DLG2: variants seen among roughly 807,000 people sequenced by gnomAD.
DLG2 encodes discs large MAGUK scaffold protein 2, also known as disks large homolog 2.
In DLG2, 45 loss-of-function variants were observed where a neutral mutation model predicts 132.5. That is an observed-to-expected ratio of 0.34 (90% CI 0.27 to 0.44). DLG2 has a LOEUF of 0.44. Among genes scored for constraint, DLG2 ranks in the 20% least tolerant of loss-of-function variants. DLG2 has a pLI of 1.00. For synonymous variants in DLG2, 424 were observed against 419.6 expected, an observed-to-expected ratio of 1.01 and a Z score of -0.13; for missense variants, 1,045 against 1,196.9, an observed-to-expected ratio of 0.87 and a Z score of 1.87.
chr11:85,025,564 T>C (rs972850897), intron 6 of DLG2, among the ~76,000 whole-genome samples: 3 of 152,208 alleles, frequency 2.0e-5, no homozygotes, highest in Non-Finnish European at 4.4e-5. Flanking sequence ...TAGGATTACT[T>C]AATATAATTA....
At chr11:84,562,078 T>C (rs1365041389) in intron 6 of DLG2, among the ~76,000 whole-genome samples, 2 of 152,168 alleles carry the variant, frequency 1.3e-5, no homozygotes, top group Non-Finnish European at 1.5e-5. Context: ...CAGAATATAC[T>C]TTTATAAAGT....
At chr11:84,152,342 TTG>T (rs1295950966) in intron 9 of DLG2, among the ~76,000 whole-genome samples, 3 of 149,154 alleles carry the variant, frequency 2.0e-5, no homozygotes, top group Non-Finnish European at 3.0e-5. Context: ...GTTTGTTTGT[TTG>T]TTTTTTCTGA....
intron 2 of DLG2, among the ~76,000 whole-genome samples, chr11:85,606,462 G>A (rs536808431): frequency 6.6e-6 from 1 of 152,058 alleles, no homozygotes; most frequent in Non-Finnish European, 1.5e-5. Context: ...ATCAGCACTT[G>A]GTAAAAACGG....
At chr11:84,067,591 G>C (rs2096698256) in intron 10 of DLG2, among the ~76,000 whole-genome samples, 1 of 150,422 alleles carries the variant, frequency 6.6e-6, no homozygotes, top group South Asian at 2.1e-4. Flanking sequence ...CACAAACACA[G>C]GCTGACTCAA....
At chr11:85,525,946 G>C (rs184933322) in intron 3 of DLG2, among the ~76,000 whole-genome samples, 133 of 152,282 alleles carry the variant, frequency 8.7e-4, no homozygotes, top group African/African-American at 3.1e-3. Flanking sequence ...ACATGAACGA[G>C]AGGAAACTAT....
chr11:85,242,450 G>A (rs1168113130), intron 4 of DLG2, among the ~76,000 whole-genome samples: 1 of 151,408 alleles, frequency 6.6e-6, no homozygotes, highest in Admixed American at 6.6e-5. Context: ...TACTTCTGTG[G>A]AATTTACCTT....
At chr11:85,147,737 C>CTTTTA in intron 5 of DLG2, among the ~76,000 whole-genome samples, 1 of 151,822 alleles carries the variant, frequency 6.6e-6, no homozygotes. Context: ...GGTCAATATT[C>CTTTTA]TTTTATTTTA....
At chr11:83,610,502 G>A (rs538991514) in intron 19 of DLG2, among the ~76,000 whole-genome samples, 2 of 152,202 alleles carry the variant, frequency 1.3e-5, no homozygotes, top group South Asian at 4.2e-4. Context: ...AGAGGGAAAA[G>A]AAGGGAACTT....
At chr11:84,344,218 A>G (rs924913481) in intron 7 of DLG2, among the ~76,000 whole-genome samples, 4 of 152,208 alleles carry the variant, frequency 2.6e-5, no homozygotes, top group African/African-American at 9.7e-5. Context: ...AGATGCTGGA[A>G]CCAGACTGAG....
chr11:84,523,339 T>C (rs2099310284), intron 7 of DLG2, among the ~76,000 whole-genome samples: 1 of 152,214 alleles, frequency 6.6e-6, no homozygotes, highest in Non-Finnish European at 1.5e-5. Flanking sequence ...ATAGATTTAC[T>C]AATAGACACA....
chr11:83,818,284 T>C (rs1167367018), intron 17 of DLG2, among the ~76,000 whole-genome samples: 3 of 152,220 alleles, frequency 2.0e-5, no homozygotes, highest in Admixed American at 6.5e-5. Flanking sequence ...AACTTCTGCA[T>C]TGGACTTCAT....
intron 7 of DLG2, among the ~76,000 whole-genome samples, chr11:84,426,339 A>C (rs529856657): frequency 2.6e-5 from 4 of 152,164 alleles, no homozygotes; most frequent in Non-Finnish European, 4.4e-5. Flanking sequence ...CTGGGGACTC[A>C]GCTTACTCAT....
chr11:83,690,964 A>T (rs1401139237), intron 18 of DLG2, among the ~76,000 whole-genome samples: 1 of 152,196 alleles, frequency 6.6e-6, no homozygotes, highest in African/African-American at 2.4e-5. Context: ...GACTATTTCA[A>T]TAAAGATTGT....
chr11:84,221,706 T>C (rs2154326874), intron 8 of DLG2, among the ~76,000 whole-genome samples: 1 of 152,184 alleles, frequency 6.6e-6, no homozygotes, highest in Middle Eastern at 3.4e-3. Flanking sequence ...TATTTTCTTT[T>C]ACGTGAATTG....
intron 6 of DLG2, among the ~76,000 whole-genome samples, chr11:84,728,727 T>C (rs951471149): frequency 6.6e-6 from 1 of 152,162 alleles, no homozygotes; most frequent in South Asian, 2.1e-4. Context: ...TCTTGGACTT[T>C]TTTTGGTTGT....
chr11:83,907,496 C>T (rs1035222501), intron 15 of DLG2, among the ~76,000 whole-genome samples: 1 of 151,890 alleles, frequency 6.6e-6, no homozygotes, highest in African/African-American at 2.4e-5. Context: ...ATCCAGATAC[C>T]CTCTCTAAGC....
At chr11:84,825,476 T>C (rs1229982784) in intron 6 of DLG2, among the ~76,000 whole-genome samples, 1 of 151,924 alleles carries the variant, frequency 6.6e-6, no homozygotes, top group Non-Finnish European at 1.5e-5. Flanking sequence ...AGAAATGAAC[T>C]ATTTAAAAAA....
At chr11:85,509,261 TA>T (rs1302798089) in intron 3 of DLG2, among the ~76,000 whole-genome samples, 1 of 152,022 alleles carries the variant, frequency 6.6e-6, no homozygotes, top group African/African-American at 2.4e-5. Flanking sequence ...AGATTACCTA[TA>T]TGGAAATTAA....
intron 18 of DLG2, among the ~76,000 whole-genome samples, chr11:83,781,934 G>C (rs988758146): frequency 1.3e-5 from 2 of 152,022 alleles, no homozygotes; most frequent in African/African-American, 4.8e-5. Flanking sequence ...GTATAATTAG[G>C]TTGTAATCAA....
Sources: allele counts gnomAD v4.1 joint callset (sites outside exome capture counted in the v4.1 genomes callset), GRCh38; gene constraint gnomAD v4.1.1; transcripts MANE v1.5; gene names NCBI Gene and HGNC (gene_info 2026-07-23, HGNC 2026-07-21).